MYL9: variants seen among roughly 807,000 people sequenced by gnomAD.
MYL9 encodes the protein myosin regulatory light polypeptide 9.
Under a neutral mutation model 12.8 loss-of-function variants are expected in MYL9, and 7 were observed. That is an observed-to-expected ratio of 0.55 (90% CI 0.31 to 1.03). The LOEUF (loss-of-function observed/expected upper bound fraction) is 1.03. Ranked by LOEUF, MYL9 falls within the 50% of genes least tolerant of loss-of-function variation. The pLI, the probability that MYL9 is intolerant of heterozygous loss-of-function variation, is 0.05. For missense variants in MYL9, 190 were observed against 242.7 expected (o/e 0.78, Z 1.44); for synonymous variants, 81 against 87.8 (o/e 0.92, Z 0.43).
Position 36,548,137 on chromosome 20 carries a change from C to G in MYL9, c.290C>G (p.Thr97Arg), listed in dbSNP as rs772842148. 2 of 1,613,842 alleles carry G rather than the reference C, an allele frequency of 1.2e-6. No homozygotes were observed. The highest frequency in any genetic ancestry group is 1.7e-6 in the Non-Finnish European group (2 of 1,179,872). Residue 97 changes from threonine to arginine, a missense_variant, in exon 3 of 4, where the codon ACG becomes AGG. By Grantham distance (71) the Thr-to-Arg change is moderately conservative. Transcript: ENST00000279022. The stretch of plus-strand genomic sequence containing the variant: ...ATGTTTGGGGAGAAGCTGAACGGCA[C>G]GGACCCCGAGGATGTGATTCGCAAC... ...LTMFGEKLNG[T>R]DPEDVIRNAF... is the part of the protein sequence containing the mutation.
Position 36,548,173 on chromosome 20 carries a change from G to C in MYL9, c.326G>C (p.Cys109Ser). The change falls in exon 3 of 4, where the codon TGC (cysteine) becomes TCC (serine). Residue 109 changes from cysteine to serine, a missense_variant. Physicochemically the swap from Cys to Ser is moderately radical, Grantham distance 112. Coordinates refer to ENST00000279022, the MANE Select transcript of MYL9 (RefSeq NM_006097.5). Reference protein sequence around the residue: ...PEDVIRNAFACFDEEASGFIH... With the variant: ...PEDVIRNAFASFDEEASGFIH... ...GATGTGATTCGCAACGCCTTTGCCT[G>C]CTTCGACGAGGAAGCCTCAGGTCCG... The C allele has an allele frequency of 6.2e-7, 1 of 1,612,142 alleles. No individual in the cohort carries two copies. Among genetic ancestry groups the C allele is most frequent in the African/African-American group, 1.3e-5 (1 of 74,982 alleles).
In MYL9 at chr20:36,545,005, A is replaced by G. The variant is rs1242483051; in HGVS notation, c.121A>G (p.Ile41Val). The G allele has an allele frequency of 1.2e-6, 2 of 1,614,070 alleles. No individual in the cohort carries two copies. The highest frequency in any genetic ancestry group is 8.5e-7 in the Non-Finnish European group (1 of 1,180,020). ...GGAGTTTAAGGAGGCTTTCAACATG[A>G]TTGACCAGAACCGTGATGGCTTCAT... ...IQEFKEAFNM[I>V]DQNRDGFIDK... Residue 41 changes from isoleucine (I) to valine (V), a missense_variant, in exon 2 of 4, where the codon ATT becomes GTT. Coordinates refer to ENST00000279022, the MANE Select transcript of MYL9 (RefSeq NM_006097.5).
At position 36,549,282 on chromosome 20, in the gene MYL9, C is replaced by T; in HGVS notation, c.*33C>T. 2 of 1,502,672 alleles carry T rather than the reference C, an allele frequency of 1.3e-6. No individual in the cohort carries two copies. The highest frequency in any genetic ancestry group is 1.8e-6 in the Non-Finnish European group (2 of 1,109,654). The allele number at this position is 1,502,672 out of a possible 1,614,324, so 93.1% of individuals were successfully genotyped here. On this transcript the variant is annotated 3_prime_UTR_variant, in exon 4 of 4. Coordinates refer to ENST00000279022, the MANE Select transcript of MYL9 (RefSeq NM_006097.5). The stretch of plus-strand genomic sequence containing the variant: ...CAGCCCCCTGACACCCCAGCCCCCG[C>T]CAGTCACCCCTCCCCGCACACACCC...
In MYL9 at chr20:36,549,545, C is replaced by T. The variant is rs187425725; in HGVS notation, c.*296C>T. ...GAGGCACCAAGGGAAGGCCCCATTC[C>T]GGGGCTGTTCCCCGAGGAGGAAGGG... On this transcript the variant is annotated 3_prime_UTR_variant, in exon 4 of 4. Coordinates refer to ENST00000279022, the MANE Select transcript of MYL9 (RefSeq NM_006097.5). 2.6e-3 allele frequency: 803 copies of T among 307,442 alleles called. 7 individuals are homozygous for T. Among genetic ancestry groups the T allele is most frequent in the Non-Finnish European group, 1.0e-3 (163 of 163,234 alleles). The allele number at this position is 307,442 out of a possible 1,614,324, so 19.0% of individuals were successfully genotyped here. A position where few individuals can be genotyped will look rare whatever the true frequency, so the allele number is the denominator to read the frequency against.
chr20:36,546,418 C>T (rs1366813198), intron 2 of MYL9, among the ~76,000 whole-genome samples: 1 of 152,162 alleles, frequency 6.6e-6, no homozygotes, highest in Non-Finnish European at 1.5e-5. Context: ...GTGCACTTTC[C>T]TCTTCCTGTG....
rs768877867 is a variant in MYL9 at position 36,544,933 on chromosome 20, C to T, written c.49C>T (p.Arg17Trp). The T allele has an allele frequency of 3.1e-6, 5 of 1,613,602 alleles. No homozygotes were observed. Among genetic ancestry groups the T allele is most frequent in the African/African-American group, 1.3e-5 (1 of 74,814 alleles). Residue 17 changes from arginine (R) to tryptophan (W), a missense_variant, in exon 2 of 4, where the codon CGG becomes TGG. Transcript: ENST00000279022. ...CAAGACCACCAAGAAGCGGCCACAGCGGGCCACATCCAATGTCTTCGCAAT... is the reference window on the plus strand; with the variant it reads ...CAAGACCACCAAGAAGCGGCCACAGTGGGCCACATCCAATGTCTTCGCAAT... ...KAKTTKKRPQRATSNVFAMFD... is the reference protein window; with the variant it reads ...KAKTTKKRPQWATSNVFAMFD...
intron 2 of MYL9, among the ~76,000 whole-genome samples, chr20:36,545,697 A>G (rs541405809): frequency 2.0e-4 from 30 of 152,020 alleles, no homozygotes; most frequent in East Asian, 1.4e-3. Flanking sequence ...TTGGGAGGCC[A>G]AGGCGGGCGG....
At chr20:36,543,428 G>A (rs756271767) in intron 1 of MYL9, among the ~76,000 whole-genome samples, 2 of 152,304 alleles carry the variant, frequency 1.3e-5, no homozygotes, top group Non-Finnish European at 2.9e-5. Context: ...AGGCAGAGGA[G>A]GCTTCCTGGA....
At chr20:36,544,470 T>C (rs2038071461) in intron 1 of MYL9, among the ~76,000 whole-genome samples, 1 of 152,200 alleles carries the variant, frequency 6.6e-6, no homozygotes, top group Non-Finnish European at 1.5e-5. Context: ...TAAATGCTAT[T>C]AAGGATTAAA....
chr20:36,549,244 G>C lies in MYL9; in HGVS notation c.514G>C (p.Asp172His). Residue 172 changes from aspartate to histidine, a missense_variant, in exon 4 of 4, where the codon GAC becomes CAC. Asp to His is a moderately conservative substitution (Grantham distance 81). Transcript: ENST00000279022. ...CAAACATGGCGCCAAGGATAAAGAC[G>C]ACTAGGCCACCCCAGCCCCCTGACA... ...ILKHGAKDKD[D>H] 6.2e-7 allele frequency: 1 copy of C among 1,609,934 alleles called. No homozygotes were observed. The highest frequency in any genetic ancestry group is 2.2e-5 in the East Asian group (1 of 44,838).
chr20:36,548,651 G>A (rs1379174039), intron 3 of MYL9, among the ~76,000 whole-genome samples: 2 of 152,180 alleles, frequency 1.3e-5, no homozygotes, highest in Non-Finnish European at 2.9e-5. Context: ...GTTCATCCCT[G>A]TTTTCTAGAT....
rs368757539 is a variant in MYL9, at chr20:36,544,378, G to C, written c.-26-481G>C. Among the ~76,000 whole-genome samples the C allele has an allele frequency of 2.4e-4, 37 of 152,160 alleles. 1 individual carries two copies. The South Asian group carries it at 7.7e-3, about 32-fold the overall frequency. On this transcript the variant is annotated intron_variant, in intron 1 of 3. Coordinates refer to ENST00000279022, the MANE Select transcript of MYL9 (RefSeq NM_006097.5). ...CAGCTCCTTCCTGCAGGGCCAGGGA[G>C]CCTGGATGGCAGCCCAGGAGAGCCC...
intron 2 of MYL9, among the ~76,000 whole-genome samples, chr20:36,546,663 G>A (rs990915729): frequency 2.0e-5 from 3 of 151,300 alleles, no homozygotes; most frequent in Admixed American, 6.6e-5. Flanking sequence ...TGCCCAGGCT[G>A]GAGTGGCACC....
intron 2 of MYL9, among the ~76,000 whole-genome samples, chr20:36,545,656 C>T (rs897841970): frequency 1.3e-5 from 2 of 151,824 alleles, no homozygotes; most frequent in Non-Finnish European, 1.5e-5. Flanking sequence ...GCTGGCCAGG[C>T]GCTGTGGCTC....
At position 36,545,088 on chromosome 20, in the gene MYL9, G is replaced by A. The variant is rs763532838; in HGVS notation, c.184+20G>A. 1.2e-6 allele frequency: 2 copies of A among 1,611,502 alleles called. No homozygotes were observed. The highest frequency in any genetic ancestry group is 1.7e-6 in the Non-Finnish European group (2 of 1,178,310). Reference sequence around the variant, plus strand: ...CGCTGGGTGAGCTGGGACAGGGACAGGGGTGAGATGGATGAGGCCAGGCAG... The same window carrying A: ...CGCTGGGTGAGCTGGGACAGGGACAAGGGTGAGATGGATGAGGCCAGGCAG... On this transcript the variant is annotated intron_variant, in intron 2 of 3. Coordinates refer to ENST00000279022, the MANE Select transcript of MYL9 (RefSeq NM_006097.5).
Position 36,546,243 on chromosome 20 carries a change from C to T in MYL9, c.184+1175C>T, listed in dbSNP as rs1318783378. On this transcript the variant is annotated intron_variant, in intron 2 of 3. Coordinates refer to ENST00000279022, the MANE Select transcript of MYL9 (RefSeq NM_006097.5). Reference sequence around the variant, plus strand: ...AACATCCCTCCCAAAGTGCTGGCCACAGCCAGCCACTCTCAGCCCAGTTCC... The same window carrying T: ...AACATCCCTCCCAAAGTGCTGGCCATAGCCAGCCACTCTCAGCCCAGTTCC... Among the ~76,000 whole-genome samples the T allele has an allele frequency of 2.0e-5, 3 of 152,244 alleles. No homozygotes were observed. The East Asian group carries it at 5.8e-4, about 29-fold the overall frequency.
At chr20:36,541,948 C>T (rs577679206) in intron 1 of MYL9, among the ~76,000 whole-genome samples, 4 of 152,206 alleles carry the variant, frequency 2.6e-5, no homozygotes, top group African/African-American at 9.6e-5. Flanking sequence ...TCAGTTCCCC[C>T]TGGCCCAGTA....
chr20:36,543,310 A>G lies in MYL9; in HGVS notation c.-26-1549A>G, dbSNP rs576267317. On this transcript the variant is annotated intron_variant, in intron 1 of 3. Coordinates refer to ENST00000279022, the MANE Select transcript of MYL9 (RefSeq NM_006097.5). Reference sequence around the variant, plus strand: ...CTGGGGCTGGCCGGGATCCCAGTCCAGGGTTGATGATCTCAAAGGCCAAGG... The same window carrying G: ...CTGGGGCTGGCCGGGATCCCAGTCCGGGGTTGATGATCTCAAAGGCCAAGG... Among the ~76,000 whole-genome samples the G allele has an allele frequency of 7.9e-5, 12 of 152,342 alleles. No individual in the cohort carries two copies. The East Asian group carries it at 2.3e-3, about 29-fold the overall frequency.
rs1420761892 is a variant in MYL9 at position 36,551,161 on chromosome 20, C to T, written c.*1912C>T. The T allele has an allele frequency of 6.6e-6, 1 of 152,394 alleles. No individual in the cohort carries two copies. Among genetic ancestry groups the T allele is most frequent in the African/African-American group, 2.4e-5 (1 of 41,408 alleles). The allele number at this position is 152,394 out of a possible 1,614,324, so 9.4% of individuals were successfully genotyped here. On this transcript the variant is annotated 3_prime_UTR_variant, in exon 4 of 4. Transcript: ENST00000279022. ...AAGACGGAAGAGCTTCGCACACAGG[C>T]GGGAAGAGGTCAGGACCAGTCCAGC...
Sources: allele counts gnomAD v4.1 joint callset (sites outside exome capture counted in the v4.1 genomes callset), GRCh38; gene constraint gnomAD v4.1.1; transcripts MANE v1.5; gene names NCBI Gene and HGNC (gene_info 2026-07-23, HGNC 2026-07-21).